Variants in COTL1 observed in about 807,000 individuals in gnomAD.
COTL1 encodes the protein coactosin-like protein.
A neutral mutation model predicts 16.5 loss-of-function variants in COTL1; 15 were observed. The observed-to-expected ratio is 0.91, with a 90% CI of 0.61 to 1.40. The LOEUF is 1.40. Among genes scored for constraint, COTL1 ranks in the 40% most tolerant of loss-of-function variants. The pLI is 0.00. For missense variants in COTL1, 220 were observed against 201.5 expected, an observed-to-expected ratio of 1.09 and a Z score of -0.56; for synonymous variants, 112 against 85.3, an observed-to-expected ratio of 1.31 and a Z score of -1.73.
chr16:84,572,242 C>T (rs549523028), intron 3 of COTL1, among the ~76,000 whole-genome samples: 7 of 152,324 alleles, frequency 4.6e-5, no homozygotes, highest in Admixed American at 1.3e-4. Flanking sequence ...CGTGGAGCAG[C>T]TGAAGTCTGC....
chr16:84,583,988 A>G (rs1904661130), intron 3 of COTL1, among the ~76,000 whole-genome samples: 1 of 152,190 alleles, frequency 6.6e-6, no homozygotes, highest in Admixed American at 6.5e-5. Context: ...CCTGCAAGAC[A>G]AGCATGATGC....
chr16:84,572,783 C>T (rs1597166830), intron 3 of COTL1, among the ~76,000 whole-genome samples: 1 of 151,954 alleles, frequency 6.6e-6, no homozygotes, highest in African/African-American at 2.4e-5. Flanking sequence ...CTCACTCTGT[C>T]ACCCACGCTG....
Position 84,590,242 on chromosome 16 carries a change from A to G in COTL1, c.181T>C (p.Phe61Leu), listed in dbSNP as rs1433423035. Reference protein sequence around the residue: ...QCTDDVRLFAFVRFTTGDAMS... With the variant: ...QCTDDVRLFALVRFTTGDAMS... The stretch of plus-strand genomic sequence containing the variant: ...GCATCCCCGGTGGTGAAGCGCACGA[A>G]GGCAAACAACCGGACGTCATCTGTG... Residue 61 changes from phenylalanine (F) to leucine (L), a missense_variant, in exon 3 of 4, where the codon TTC (phenylalanine) becomes CTC (leucine). Coordinates refer to ENST00000262428, the MANE Select transcript of COTL1 (RefSeq NM_021149.5). This position sits in a 1 kb window ranked among gnomAD's most constrained non-coding sequence, Gnocchi z 5.5. The G allele has an allele frequency of 6.2e-7, 1 of 1,614,162 alleles. No individual in the cohort carries two copies. Among genetic ancestry groups the G allele is most frequent in the Non-Finnish European group, 8.5e-7 (1 of 1,179,984 alleles).
intron 2 of COTL1, among the ~76,000 whole-genome samples, chr16:84,611,037 T>C (rs1304981943): frequency 1.3e-5 from 2 of 152,216 alleles, no homozygotes; most frequent in Non-Finnish European, 2.9e-5. Context: ...TCTACAAGCA[T>C]TATATGGAAC....
intron 2 of COTL1, among the ~76,000 whole-genome samples, chr16:84,605,846 G>A (rs73257506): frequency 0.012 from 1,865 of 152,288 alleles, 38 homozygotes; most frequent in African/African-American, 0.042. Context: ...CCAAGTTTGT[G>A]GTCATTTGTT....
chr16:84,571,489 T>A (rs924282411), intron 3 of COTL1, among the ~76,000 whole-genome samples: 4 of 152,144 alleles, frequency 2.6e-5, no homozygotes, highest in African/African-American at 9.7e-5. Flanking sequence ...CTCTCCACCC[T>A]TGCACCTGGG....
At chr16:84,612,701 T>C (rs1447820414) in intron 2 of COTL1, among the ~76,000 whole-genome samples, 1 of 151,950 alleles carries the variant, frequency 6.6e-6, no homozygotes, top group Non-Finnish European at 1.5e-5. Flanking sequence ...GAGAATCTCT[T>C]GACCCCGGGA....
intron 1 of COTL1, 61 bp from the exon 2 acceptor site, chr16:84,617,644 G>C (rs879941912): frequency 9.8e-5 from 147 of 1,506,640 alleles, no homozygotes; most frequent in Non-Finnish European, 1.3e-4. Context: ...CGCGCGACGC[G>C]GCGCTTGCAG....
chr16:84,579,970 G>T (rs1682457726), intron 3 of COTL1, among the ~76,000 whole-genome samples: 1 of 152,246 alleles, frequency 6.6e-6, no homozygotes. Flanking sequence ...ACGTTCGAAT[G>T]CTGCATCCTC....
At position 84,566,751 on chromosome 16, in the gene COTL1, G is replaced by C; in HGVS notation, c.*94C>G. The C allele has an allele frequency of 1.3e-6, 1 of 796,698 alleles. No homozygotes were observed. The highest frequency in any genetic ancestry group is 1.6e-5 in the South Asian group (1 of 63,516). 49.4% of individuals were successfully genotyped at this position (796,698 alleles called of 1,614,324 possible). A position where few individuals can be genotyped will look rare whatever the true frequency, so the allele number is the denominator to read the frequency against. On this transcript the variant is annotated 3_prime_UTR_variant, in exon 4 of 4. Transcript: ENST00000262428. ...CCTCTCATGGCTTCTTTTCTCCCTG[G>C]TGGGCTGGTGGGCTAGTAGCTGAGG...
intron 2 of COTL1, among the ~76,000 whole-genome samples, chr16:84,604,373 C>T (rs2326341): frequency 0.11 from 16,313 of 142,814 alleles, 1,318 homozygotes; most frequent in South Asian, 0.27. Flanking sequence ...TCCTGCCCAC[C>T]CAGGAGCCTC....
chr16:84,570,085 G>T (rs910957763), intron 3 of COTL1, among the ~76,000 whole-genome samples: 1 of 152,186 alleles, frequency 6.6e-6, no homozygotes, highest in Non-Finnish European at 1.5e-5. Context: ...AGACCAGCCT[G>T]GCCAACACGG....
In COTL1 at chr16:84,590,459, G is replaced by C. The variant is rs569254982; in HGVS notation, c.161-197C>G. On this transcript the variant is annotated intron_variant, in intron 2 of 3. Coordinates refer to ENST00000262428, the MANE Select transcript of COTL1 (RefSeq NM_021149.5). This position sits in a 1 kb window ranked among gnomAD's most constrained non-coding sequence, Gnocchi z 5.5. ...CCCTTGTCACACTCCCCTGAATCCT[G>C]GCAACAGTGCTGCAGGCTTCATGCC... 1.9e-6 allele frequency: 1 copy of C among 529,026 alleles called. No individual in the cohort carries two copies. Among genetic ancestry groups the C allele is most frequent in the East Asian group, 3.1e-5 (1 of 31,788 alleles). The allele number at this position is 529,026 out of a possible 1,614,324, so 32.8% of individuals were successfully genotyped here. A position where few individuals can be genotyped will look rare whatever the true frequency, so the allele number is the denominator to read the frequency against.
intron 3 of COTL1, among the ~76,000 whole-genome samples, chr16:84,586,640 G>C (rs1597173856): frequency 6.6e-6 from 1 of 152,110 alleles, no homozygotes; most frequent in East Asian, 1.9e-4. Flanking sequence ...ACAGAGTCTT[G>C]CTGCAATCTC....
At chr16:84,579,792 T>G (rs572210604) in intron 3 of COTL1, among the ~76,000 whole-genome samples, 1 of 152,154 alleles carries the variant, frequency 6.6e-6, no homozygotes, top group African/African-American at 2.4e-5. Context: ...TGGACAAAAG[T>G]ATGCAGTGGT....
In COTL1 at chr16:84,592,624, C is replaced by T. The variant is rs1349361262; in HGVS notation, c.161-2362G>A. Reference sequence around the variant, plus strand: ...AAAAAAAAAAAAAAAAATCAATCTGCGTTTCTTCCTAGAATCTAAGTACGT... The same window carrying T: ...AAAAAAAAAAAAAAAAATCAATCTGTGTTTCTTCCTAGAATCTAAGTACGT... On this transcript the variant is annotated intron_variant, in intron 2 of 3. Transcript: ENST00000262428. Among the ~76,000 whole-genome samples the T allele has an allele frequency of 3.3e-5, 5 of 151,088 alleles. No homozygotes were observed. The East Asian group carries it at 7.7e-4, about 23-fold the overall frequency.
intron 3 of COTL1, chr16:84,576,401 T>G (rs1347100237): frequency 6.6e-6 from 1 of 152,202 alleles, no homozygotes; most frequent in African/African-American, 2.4e-5. Context: ...GAACTGATCT[T>G]CATTGTATTG....
chr16:84,576,346 G>A (rs1904453540), intron 3 of COTL1: 1 of 152,242 alleles, frequency 6.6e-6, no homozygotes, highest in African/African-American at 2.4e-5. Context: ...AGTTCCATTT[G>A]TGAAGTCAGG....
At chr16:84,598,998 G>C (rs955019131) in intron 2 of COTL1, among the ~76,000 whole-genome samples, 2 of 152,114 alleles carry the variant, frequency 1.3e-5, no homozygotes, top group South Asian at 2.1e-4. Context: ...AATCACCAAA[G>C]CCACCAGGAT....
Sources: gnomAD v4.1 joint callset for allele counts (sites outside exome capture counted in the v4.1 genomes callset) on GRCh38, gnomAD v4.1.1 for gene constraint, Gnocchi (gnomAD v3.1) non-coding constraint, MANE v1.5 for transcripts, NCBI Gene and HGNC (gene_info 2026-07-23, HGNC 2026-07-21) for gene names.